MTRF1: variants seen among roughly 807,000 people sequenced by gnomAD.
The protein encoded by MTRF1 is peptide chain release factor 1, mitochondrial.
In MTRF1, 51 loss-of-function variants were observed where a neutral mutation model predicts 62.9. That is an observed-to-expected ratio of 0.81 (90% CI 0.65 to 1.02). The LOEUF (loss-of-function observed/expected upper bound fraction) is 1.02, where lower values mean the gene tolerates loss of function less well. MTRF1 is among the 50% of genes least tolerant of loss of function. The pLI, the probability that MTRF1 is intolerant of heterozygous loss-of-function variation, is 0.00. For missense variants in MTRF1, 446 were observed against 530.0 expected, an observed-to-expected ratio of 0.84 and a Z score of 1.56; for synonymous variants, 158 against 181.9, an observed-to-expected ratio of 0.87 and a Z score of 1.06.
the MTRF1 span, among the ~76,000 whole-genome samples, chr13:41,286,910 T>C: frequency 1.2e-4 from 19 of 152,238 alleles, no homozygotes; most frequent in Admixed American, 6.5e-5. Context: ...TAAATGGCAA[T>C]GTTTCATTAA....
At chr13:41,257,583 A>G in intron 2 of MTRF1, 1 of 182,680 alleles carries the variant, frequency 5.5e-6, no homozygotes, top group South Asian at 1.0e-4. Context: ...TATAAAATGT[A>G]TAAAATGAGG....
chr13:41,217,005 G>A lies in MTRF1; in HGVS notation c.*110C>T. The A allele has an allele frequency of 3.5e-6, 2 of 570,116 alleles. No homozygotes were observed. Among genetic ancestry groups the A allele is most frequent in the South Asian group, 3.3e-5 (1 of 30,676 alleles). The allele number at this position is 570,116 out of a possible 1,614,324, so 35.3% of individuals were successfully genotyped here. A position where few individuals can be genotyped will look rare whatever the true frequency, so the allele number is the denominator to read the frequency against. On this transcript the variant is annotated 3_prime_UTR_variant, in exon 10 of 10. Transcript: ENST00000379480. Reference sequence around the variant, plus strand: ...CAAAACATATATTTATGTGTAATGTGTTCTTAAAGCTGTAATTTACAAATA... The same window carrying A: ...CAAAACATATATTTATGTGTAATGTATTCTTAAAGCTGTAATTTACAAATA...
chr13:41,248,339 C>G (rs1040477435), intron 5 of MTRF1, among the ~76,000 whole-genome samples: 12 of 152,220 alleles, frequency 7.9e-5, no homozygotes, highest in African/African-American at 2.9e-4. Context: ...CCAAGATGGT[C>G]TCGACCTCCT....
At chr13:41,286,655 A>G in the MTRF1 span, among the ~76,000 whole-genome samples, 5 of 152,250 alleles carry the variant, frequency 3.3e-5, no homozygotes, top group Admixed American at 3.3e-4. Context: ...CTTTGATCAC[A>G]TCGAGTGTTT....
chr13:41,290,514 C>A, the MTRF1 span, among the ~76,000 whole-genome samples: 1 of 151,722 alleles, frequency 6.6e-6, no homozygotes, highest in Non-Finnish European at 1.5e-5. Context: ...CCTGCCTCAG[C>A]CTCCCAAGTA....
At chr13:41,292,580 C>CA in the MTRF1 span, among the ~76,000 whole-genome samples, 16,130 of 59,814 alleles carry the variant, frequency 0.27, 2,364 homozygotes, top group African/African-American at 0.47. Context: ...GATTCTGTCT[C>CA]AAAAAAAAAA....
chr13:41,273,697 C>T, the MTRF1 span, among the ~76,000 whole-genome samples: 17 of 152,122 alleles, frequency 1.1e-4, no homozygotes, highest in Middle Eastern at 3.4e-3. Flanking sequence ...ATTAGCTGAG[C>T]GTGGTGGTGC....
At chr13:41,253,308 G>A (rs1035856550) in intron 3 of MTRF1, among the ~76,000 whole-genome samples, 1 of 152,052 alleles carries the variant, frequency 6.6e-6, no homozygotes, top group Non-Finnish European at 1.5e-5. Context: ...CAAAGTCCAG[G>A]GTGTTCCATT....
intron 7 of MTRF1, chr13:41,229,781 G>A (rs956405659): frequency 6.6e-6 from 1 of 152,170 alleles, no homozygotes; most frequent in Non-Finnish European, 1.5e-5. Context: ...ATGGACTGTT[G>A]AAATAAATTA....
chr13:41,304,662 C>T, the MTRF1 span, among the ~76,000 whole-genome samples: 2 of 152,302 alleles, frequency 1.3e-5, no homozygotes, highest in African/African-American at 4.8e-5. Context: ...TACCCAGGTT[C>T]CCATGCTCCT....
At chr13:41,275,890 T>C in the MTRF1 span, among the ~76,000 whole-genome samples, 1 of 152,204 alleles carries the variant, frequency 6.6e-6, no homozygotes. Flanking sequence ...AAGCGTTAAT[T>C]GCACTTTTTT....
intron 7 of MTRF1, among the ~76,000 whole-genome samples, chr13:41,230,783 C>T (rs2035407891): frequency 6.6e-6 from 1 of 150,518 alleles, no homozygotes; most frequent in Non-Finnish European, 1.5e-5. Flanking sequence ...AGTGCAATGG[C>T]ATGATCTCGG....
At chr13:41,288,453 C>A in the MTRF1 span, 1 of 168,332 alleles carries the variant, frequency 5.9e-6, no homozygotes, top group South Asian at 1.5e-4. Flanking sequence ...TCCATGCCAC[C>A]TCACCCTTAG....
intron 5 of MTRF1, among the ~76,000 whole-genome samples, chr13:41,246,415 A>T (rs963963777): frequency 5.9e-5 from 9 of 152,154 alleles, no homozygotes; most frequent in African/African-American, 1.9e-4. Flanking sequence ...TCTAATGAAG[A>T]TATAACCATT....
At chr13:41,244,973 C>G (rs909087174) in intron 5 of MTRF1, among the ~76,000 whole-genome samples, 2 of 152,190 alleles carry the variant, frequency 1.3e-5, no homozygotes, top group Non-Finnish European at 2.9e-5. Flanking sequence ...AGTATCTGCT[C>G]TGACTTTTAT....
intron 6 of MTRF1, chr13:41,236,799 T>C (rs888822276): frequency 2.6e-5 from 4 of 152,186 alleles, no homozygotes; most frequent in Non-Finnish European, 5.9e-5. Flanking sequence ...CTAATGACTT[T>C]TGGGGAACTC....
At chr13:41,297,942 A>G in the MTRF1 span, among the ~76,000 whole-genome samples, 16 of 152,228 alleles carry the variant, frequency 1.1e-4, no homozygotes, top group African/African-American at 3.9e-4. Flanking sequence ...ATAAACTGCA[A>G]TTTATAAATT....
At chr13:41,281,380 T>G in the MTRF1 span, among the ~76,000 whole-genome samples, 17 of 144,632 alleles carry the variant, frequency 1.2e-4, no homozygotes, top group African/African-American at 3.4e-4. Context: ...TTAGTTTTTG[T>G]TTTTTTTTTT....
chr13:41,269,815 T>G, the MTRF1 span, among the ~76,000 whole-genome samples: 1 of 152,206 alleles, frequency 6.6e-6, no homozygotes, highest in African/African-American at 2.4e-5. Flanking sequence ...ACTGGGACAG[T>G]GAAAAAGATC....
Sources: allele counts gnomAD v4.1 joint callset (sites outside exome capture counted in the v4.1 genomes callset), GRCh38; gene constraint gnomAD v4.1.1; transcripts MANE v1.5; gene names NCBI Gene and HGNC (gene_info 2026-07-23, HGNC 2026-07-21).